The following MGAT4C variants were observed in gnomAD, a reference collection of about 807,000 sequenced individuals.
MGAT4C encodes the protein MGAT4 family member C, also known as alpha-1,3-mannosyl-glycoprotein 4-beta-N-acetylglucosaminyltransferase C.
Under a neutral mutation model 40.1 loss-of-function variants are expected in MGAT4C, and 19 were observed. That is an observed-to-expected ratio of 0.47 (90% CI 0.33 to 0.70). The LOEUF is 0.70. MGAT4C is among the 30% of genes least tolerant of loss of function. The pLI, the probability that MGAT4C is intolerant of heterozygous loss-of-function variation, is 0.02. For missense variants in MGAT4C, 491 were observed against 563.2 expected (o/e 0.87, Z 1.30); for synonymous variants, 181 against 187.1 (o/e 0.97, Z 0.27).
At chr12:86,778,669 T>C (rs1951783174) in intron 1 of MGAT4C, among the ~76,000 whole-genome samples, 1 of 152,182 alleles carries the variant, frequency 6.6e-6, no homozygotes, top group African/African-American at 2.4e-5. Context: ...ACAGTATCTC[T>C]AGGACGTAGC....
At chr12:86,606,832 T>C (rs906156083) in intron 2 of MGAT4C, among the ~76,000 whole-genome samples, 1 of 152,152 alleles carries the variant, frequency 6.6e-6, no homozygotes, top group African/African-American at 2.4e-5. Context: ...ATGTTTGGTT[T>C]TTGTTCAAAT....
chr12:86,255,409 A>G (rs1952474498), intron 1 of MGAT4C, among the ~76,000 whole-genome samples: 1 of 152,074 alleles, frequency 6.6e-6, no homozygotes, highest in Admixed American at 6.6e-5. Flanking sequence ...GTCACATTCA[A>G]TCACCTATCC....
chr12:86,753,500 C>T (rs1011825699), intron 1 of MGAT4C, among the ~76,000 whole-genome samples: 3 of 151,966 alleles, frequency 2.0e-5, no homozygotes, highest in African/African-American at 7.3e-5. Flanking sequence ...CCTGATTTCC[C>T]ACTTCACACC....
chr12:86,210,173 T>C (rs1950406838), intron 1 of MGAT4C, among the ~76,000 whole-genome samples: 4 of 152,196 alleles, frequency 2.6e-5, no homozygotes, highest in Non-Finnish European at 5.9e-5. Context: ...ATAAATACGC[T>C]TAAGATACAT....
intron 4 of MGAT4C, among the ~76,000 whole-genome samples, chr12:86,296,878 G>A (rs1375249378): frequency 6.6e-6 from 1 of 152,230 alleles, no homozygotes; most frequent in Non-Finnish European, 1.5e-5. Context: ...CTCAAGTGCC[G>A]CCGAAGTGGG....
chr12:86,686,371 A>G (rs1449486688), intron 2 of MGAT4C, among the ~76,000 whole-genome samples: 1 of 152,052 alleles, frequency 6.6e-6, no homozygotes, highest in Non-Finnish European at 1.5e-5. Flanking sequence ...TTCCAATACT[A>G]TGTTGAATAG....
chr12:86,180,267 T>G (rs1341247761), intron 1 of MGAT4C, among the ~76,000 whole-genome samples: 1 of 152,234 alleles, frequency 6.6e-6, no homozygotes, highest in Non-Finnish European at 1.5e-5. Context: ...TGGAAATGCT[T>G]GGATGCCCAG....
chr12:86,174,470 A>G (rs1338160771), intron 1 of MGAT4C, among the ~76,000 whole-genome samples: 1 of 152,166 alleles, frequency 6.6e-6, no homozygotes, highest in African/African-American at 2.4e-5. Context: ...GAAAGGTTAA[A>G]TGTGATAATG....
intron 1 of MGAT4C, among the ~76,000 whole-genome samples, chr12:86,244,003 G>C (rs1951909723): frequency 6.6e-6 from 1 of 152,120 alleles, no homozygotes; most frequent in African/African-American, 2.4e-5. Context: ...GACTTCTAAG[G>C]CTATGCTGCT....
At chr12:86,446,235 T>C (rs1957332654) in intron 2 of MGAT4C, among the ~76,000 whole-genome samples, 3 of 152,044 alleles carry the variant, frequency 2.0e-5, no homozygotes, top group Admixed American at 2.0e-4. Flanking sequence ...ACCCATTTTT[T>C]CCTGATAATG....
chr12:86,529,534 C>G (rs916950745), intron 2 of MGAT4C, among the ~76,000 whole-genome samples: 2 of 151,962 alleles, frequency 1.3e-5, no homozygotes, highest in Non-Finnish European at 2.9e-5. Context: ...ATGAACAAAT[C>G]GTTTATCATC....
intron 2 of MGAT4C, among the ~76,000 whole-genome samples, chr12:86,608,411 A>G (rs866686226): frequency 5.1e-4 from 77 of 152,112 alleles, no homozygotes; most frequent in African/African-American, 1.6e-3. Context: ...AGACTCTGTC[A>G]CTACAAAAAA....
chr12:86,454,620 C>T (rs1158771067), intron 2 of MGAT4C, among the ~76,000 whole-genome samples: 2 of 151,998 alleles, frequency 1.3e-5, no homozygotes, highest in Admixed American at 6.6e-5. Context: ...TGTATTTGCA[C>T]ATCAGTTCAA....
At chr12:86,516,357 C>G (rs2136353985) in intron 2 of MGAT4C, among the ~76,000 whole-genome samples, 1 of 152,182 alleles carries the variant, frequency 6.6e-6, no homozygotes, top group Non-Finnish European at 1.5e-5. Flanking sequence ...AAAGAATAGT[C>G]TTTTCAACAA....
chr12:86,649,340 A>T (rs1358054404), intron 2 of MGAT4C, among the ~76,000 whole-genome samples: 2 of 151,722 alleles, frequency 1.3e-5, no homozygotes, highest in Non-Finnish European at 2.9e-5. Context: ...AGTGAGGCAA[A>T]ATATTGTTGA....
intron 1 of MGAT4C, among the ~76,000 whole-genome samples, chr12:86,179,961 G>A (rs1158381827): frequency 6.6e-6 from 1 of 152,172 alleles, no homozygotes; most frequent in Non-Finnish European, 1.5e-5. Flanking sequence ...ATGTCTCCAG[G>A]CCATGTCAGC....
chr12:86,714,386 G>T (rs971282699), intron 2 of MGAT4C, among the ~76,000 whole-genome samples: 2 of 152,036 alleles, frequency 1.3e-5, no homozygotes, highest in Non-Finnish European at 2.9e-5. Context: ...GAATGATATT[G>T]TTTGGCTGTG....
At chr12:86,052,153 G>A (rs561838334) in intron 1 of MGAT4C, among the ~76,000 whole-genome samples, 3 of 151,340 alleles carry the variant, frequency 2.0e-5, no homozygotes, top group Admixed American at 1.3e-4. Context: ...ATCATTTTTA[G>A]ATTTTATAAA....
intron 4 of MGAT4C, among the ~76,000 whole-genome samples, chr12:86,302,212 T>A (rs1219096842): frequency 6.6e-6 from 1 of 150,954 alleles, no homozygotes; most frequent in Admixed American, 6.6e-5. Flanking sequence ...AAAGATTCTT[T>A]AGCATACTTC....
Sources: allele counts gnomAD v4.1 joint callset (sites outside exome capture counted in the v4.1 genomes callset), GRCh38; gene constraint gnomAD v4.1.1; transcripts MANE v1.5; gene names NCBI Gene and HGNC (gene_info 2026-07-23, HGNC 2026-07-21).